Variants in CCDC7 observed in about 807,000 individuals in gnomAD.
CCDC7 encodes the protein coiled-coil domain-containing protein 7.
CCDC7 carries 183 observed loss-of-function variants against 196.9 expected under a neutral mutation model. The ratio of observed to expected loss-of-function variants is 0.93; its 90% CI spans 0.82 to 1.05. CCDC7 has a LOEUF of 1.05. CCDC7 is among the 50% of genes least tolerant of loss of function. CCDC7 has a pLI of 0.00. For missense variants in CCDC7, 1,540 were observed against 1,482.2 expected (o/e 1.04, Z -0.64); for synonymous variants, 525 against 484.6 (o/e 1.08, Z -1.10).
intron 9 of CCDC7, among the ~76,000 whole-genome samples, chr10:32,494,556 T>C (rs1044282915): frequency 3.9e-5 from 6 of 152,150 alleles, no homozygotes; most frequent in Admixed American, 3.3e-4. Flanking sequence ...GGCCCCCACC[T>C]GCTGACAGGC....
chr10:32,584,542 G>T (rs1239625403), intron 18 of CCDC7, among the ~76,000 whole-genome samples: 1 of 151,506 alleles, frequency 6.6e-6, no homozygotes, highest in East Asian at 1.9e-4. Flanking sequence ...TGGATCACGA[G>T]GTCAGGAGTT....
chr10:32,644,552 A>T (rs531016835), intron 20 of CCDC7, among the ~76,000 whole-genome samples: 1 of 152,246 alleles, frequency 6.6e-6, no homozygotes, highest in Non-Finnish European at 1.5e-5. Context: ...GGCTGGTGAT[A>T]TGGTTTGGCT....
At chr10:32,638,789 A>G (rs1017314633) in intron 20 of CCDC7, among the ~76,000 whole-genome samples, 1 of 152,196 alleles carries the variant, frequency 6.6e-6, no homozygotes, top group Non-Finnish European at 1.5e-5. Context: ...TGATTGGAAT[A>G]GTTTCAGAAG....
intron 11 of CCDC7, among the ~76,000 whole-genome samples, chr10:32,534,541 G>A (rs1358064164): frequency 6.6e-6 from 1 of 151,966 alleles, no homozygotes; most frequent in Non-Finnish European, 1.5e-5. Flanking sequence ...AAAAATGGAT[G>A]TATTTGCTTA....
intron 20 of CCDC7, among the ~76,000 whole-genome samples, chr10:32,638,160 A>G (rs192785992): frequency 4.6e-5 from 7 of 152,326 alleles, no homozygotes; most frequent in East Asian, 3.9e-4. Flanking sequence ...TAGATATACA[A>G]TCATGTCATC....
rs1483364942 is a variant in CCDC7 at position 32,563,829 on chromosome 10, A to C, written c.1135-1729A>C. ...TCTAATTAAACTAAAGAGCTTCTGC[A>C]CAGCAAAAGAAACTACCATCAGAGT... On this transcript the variant is annotated intron_variant, in intron 13 of 41. Coordinates refer to ENST00000639629, the Ensembl canonical transcript of CCDC7. Among the ~76,000 whole-genome samples, 7 of 151,890 alleles carry C rather than the reference A, an allele frequency of 4.6e-5. No individual in the cohort carries two copies. In the East Asian group the frequency reaches 1.3e-3, roughly 29 times the overall value.
chr10:32,870,840 C>G (rs1433872823), intron 41 of CCDC7, among the ~76,000 whole-genome samples: 1 of 152,156 alleles, frequency 6.6e-6, no homozygotes, highest in Non-Finnish European at 1.5e-5. Flanking sequence ...TTTTCCGCAT[C>G]TATTGAGATT....
At chr10:32,542,548 G>C (rs2051636595) in intron 11 of CCDC7, among the ~76,000 whole-genome samples, 1 of 146,344 alleles carries the variant, frequency 6.8e-6, no homozygotes, top group Admixed American at 7.1e-5. Context: ...CAGGAGAATT[G>C]CTTGAACCCA....
intron 30 of CCDC7, among the ~76,000 whole-genome samples, chr10:32,809,563 C>T (rs1443603619): frequency 1.3e-5 from 2 of 152,048 alleles, no homozygotes; most frequent in East Asian, 1.9e-4. Context: ...AAAAAGTGGG[C>T]AAAGGATATG....
intron 31 of CCDC7, among the ~76,000 whole-genome samples, chr10:32,822,502 T>C (rs2090427406): frequency 1.3e-5 from 2 of 152,142 alleles, no homozygotes; most frequent in South Asian, 2.1e-4. Context: ...CTTCTTTCTT[T>C]TCTCAGTTTA....
chr10:32,608,428 G>A (rs1489715854), intron 18 of CCDC7, among the ~76,000 whole-genome samples: 1 of 151,746 alleles, frequency 6.6e-6, no homozygotes, highest in Non-Finnish European at 1.5e-5. Flanking sequence ...TTTGATGTAG[G>A]CATTTATTGC....
intron 30 of CCDC7, among the ~76,000 whole-genome samples, chr10:32,811,143 T>C (rs1259889812): frequency 6.6e-6 from 1 of 151,668 alleles, no homozygotes; most frequent in African/African-American, 2.4e-5. Flanking sequence ...CAAAAATTAA[T>C]AGAAGAAAAG....
At chr10:32,836,733 T>C (rs892900931) in intron 33 of CCDC7, among the ~76,000 whole-genome samples, 4 of 152,178 alleles carry the variant, frequency 2.6e-5, no homozygotes, top group African/African-American at 9.6e-5. Context: ...TGGGGTTGTT[T>C]TTTTCTTGTA....
chr10:32,609,283 T>A (rs2061846149), intron 18 of CCDC7, among the ~76,000 whole-genome samples: 1 of 152,110 alleles, frequency 6.6e-6, no homozygotes, highest in African/African-American at 2.4e-5. Flanking sequence ...AATATCTGGG[T>A]TCTTTGATGT....
At chr10:32,799,755 T>C (rs1383965372) in intron 29 of CCDC7, among the ~76,000 whole-genome samples, 1 of 152,216 alleles carries the variant, frequency 6.6e-6, no homozygotes, top group Non-Finnish European at 1.5e-5. Flanking sequence ...GTCCAGTGTG[T>C]TTGCTACTTC....
At chr10:32,668,053 G>T (rs2073205521) in intron 21 of CCDC7, among the ~76,000 whole-genome samples, 1 of 151,940 alleles carries the variant, frequency 6.6e-6, no homozygotes, top group Admixed American at 6.6e-5. Flanking sequence ...ATTGAGCAGT[G>T]GTTTGTAGTT....
chr10:32,755,792 G>T (rs905577286), intron 28 of CCDC7, among the ~76,000 whole-genome samples: 5 of 152,006 alleles, frequency 3.3e-5, no homozygotes, highest in Admixed American at 6.6e-5. Flanking sequence ...CAGACGATCA[G>T]TAATAACAAA....
intron 16 of CCDC7, among the ~76,000 whole-genome samples, chr10:32,578,998 G>A (rs1335697949): frequency 6.6e-6 from 1 of 152,064 alleles, no homozygotes. Flanking sequence ...CATTTTACTG[G>A]GTTTTGTCCC....
At chr10:32,586,458 G>A (rs1409516416) in intron 18 of CCDC7, among the ~76,000 whole-genome samples, 1 of 152,168 alleles carries the variant, frequency 6.6e-6, no homozygotes, top group Admixed American at 6.5e-5. Flanking sequence ...CCATGCCTAT[G>A]TCCTGAGTGA....
Sources: allele counts gnomAD v4.1 joint callset (sites outside exome capture counted in the v4.1 genomes callset), GRCh38; gene constraint gnomAD v4.1.1; transcripts MANE v1.5; gene names NCBI Gene and HGNC (gene_info 2026-07-23, HGNC 2026-07-21).